The following C8A variants were observed in gnomAD, a reference collection of about 807,000 sequenced individuals.
C8A encodes complement C8 alpha chain.
C8A carries 67 observed loss-of-function variants against 65.3 expected under a neutral mutation model. That is an observed-to-expected ratio of 1.03 (90% CI 0.84 to 1.26). The LOEUF is 1.26. Ranked by LOEUF, C8A falls within the 50% of genes most tolerant of loss-of-function variation. C8A has a pLI of 0.00. For synonymous variants in C8A, 290 were observed against 259.4 expected (o/e 1.12, Z -1.13); for missense variants, 781 against 723.9 (o/e 1.08, Z -0.90).
rs368296259 is a variant in C8A at position 56,917,525 on chromosome 1, A to G, written c.1604-40A>G. 6.4e-5 allele frequency: 103 copies of G among 1,612,124 alleles called. No individual in the cohort carries two copies. The African/African-American group carries it at 1.2e-3, about 18-fold the overall frequency. ...CCAGACAGGCCCTTCCTTCTTAGCCATATGCTAACCTTCTCCTCCCTGGGA... is the reference window on the plus strand; with the variant it reads ...CCAGACAGGCCCTTCCTTCTTAGCCGTATGCTAACCTTCTCCTCCCTGGGA... On this transcript the variant is annotated intron_variant, in intron 10 of 10. Transcript: ENST00000361249.
At chr1:56,869,273 G>A (rs1352438083) in intron 2 of C8A, among the ~76,000 whole-genome samples, 1 of 152,078 alleles carries the variant, frequency 6.6e-6, no homozygotes, top group Non-Finnish European at 1.5e-5. Flanking sequence ...TGTGATACTT[G>A]GTTTTTAATT....
Position 56,881,428 on chromosome 1 carries a change from T to A in C8A, c.465-17T>A. On this transcript the variant is annotated splice_polypyrimidine_tract_variant and intron_variant, in intron 4 of 10. Transcript: ENST00000361249. ...CAGCATCCACTAGCTATTTAGAAGC[T>A]GCTTTGTTCCATGTAGGTACAATAT... 1 of 1,613,298 alleles carries A rather than the reference T, an allele frequency of 6.2e-7. No individual in the cohort carries two copies. The highest frequency in any genetic ancestry group is 8.5e-7 in the Non-Finnish European group (1 of 1,179,364).
At chr1:56,867,519 A>G (rs1644102280) in intron 1 of C8A, 90 bp from the exon 2 acceptor site, 3 of 883,972 alleles carry the variant, frequency 3.4e-6, no homozygotes, top group Non-Finnish European at 5.7e-6. Flanking sequence ...CTTCCAAACC[A>G]TGTTTTACTG....
intron 2 of C8A, among the ~76,000 whole-genome samples, chr1:56,869,894 T>C (rs1318339921): frequency 6.6e-6 from 1 of 152,156 alleles, no homozygotes; most frequent in African/African-American, 2.4e-5. Context: ...ACCACTCAGT[T>C]AGTGAGGTGC....
At chr1:56,873,654 C>T (rs1270423020) in intron 2 of C8A, among the ~76,000 whole-genome samples, 1 of 152,186 alleles carries the variant, frequency 6.6e-6, no homozygotes, top group Non-Finnish European at 1.5e-5. Flanking sequence ...ACCCACTTCT[C>T]TTGCTGCTCA....
chr1:56,870,046 A>T (rs1158212638), intron 2 of C8A, among the ~76,000 whole-genome samples: 1 of 152,160 alleles, frequency 6.6e-6, no homozygotes, highest in Non-Finnish European at 1.5e-5. Context: ...GTGCTGAAGA[A>T]TCTTAGACTG....
intron 7 of C8A, among the ~76,000 whole-genome samples, chr1:56,892,550 A>T (rs1422317519): frequency 6.6e-6 from 1 of 151,878 alleles, no homozygotes; most frequent in Non-Finnish European, 1.5e-5. Context: ...TACATATCTC[A>T]TTAGTCACCT....
chr1:56,890,958 TTTTG>T (rs759657575), intron 7 of C8A, among the ~76,000 whole-genome samples: 75 of 152,322 alleles, frequency 4.9e-4, no homozygotes, highest in East Asian at 3.5e-3. Context: ...TTCCAATCAT[TTTTG>T]TTTATTACTG....
At chr1:56,906,556 C>T (rs534339091) in intron 7 of C8A, 111 bp from the exon 8 acceptor site, 859 of 1,252,658 alleles carry the variant, frequency 6.9e-4, no homozygotes, top group Middle Eastern at 5.7e-3. Flanking sequence ...TCAACCCAGG[C>T]CTTTTGGACT....
chr1:56,897,174 A>G (rs78925282), intron 7 of C8A, among the ~76,000 whole-genome samples: 6,740 of 152,198 alleles, frequency 0.044, 333 homozygotes, highest in South Asian at 0.13. Flanking sequence ...TAATTAAGGG[A>G]GTATTATTTT....
intron 6 of C8A, among the ~76,000 whole-genome samples, chr1:56,885,259 C>T (rs896970803): frequency 2.9e-5 from 4 of 139,664 alleles, no homozygotes; most frequent in South Asian, 2.2e-4. Flanking sequence ...TGTTCATATA[C>T]GTGTTTATAT....
At chr1:56,898,968 G>A (rs1293929000) in intron 7 of C8A, among the ~76,000 whole-genome samples, 2 of 152,120 alleles carry the variant, frequency 1.3e-5, no homozygotes, top group Non-Finnish European at 2.9e-5. Flanking sequence ...CAGCCCAGCA[G>A]GTCTTTTTAT....
chr1:56,896,754 A>G (rs1446928151), intron 7 of C8A, among the ~76,000 whole-genome samples: 3 of 152,236 alleles, frequency 2.0e-5, no homozygotes, highest in Non-Finnish European at 4.4e-5. Flanking sequence ...GCAGATGTCA[A>G]TAACAACTGT....
chr1:56,883,205 G>T lies in C8A; in HGVS notation c.655-276G>T, dbSNP rs1357144230. ...CCACGCTCAGAGCAATATAGCATTT[G>T]ATCAGAATCATCTGCATCTGTGTGT... On this transcript the variant is annotated intron_variant, in intron 5 of 10. Coordinates refer to ENST00000361249, the MANE Select transcript of C8A (RefSeq NM_000562.3). Among the ~76,000 whole-genome samples the T allele has an allele frequency of 3.4e-5, 5 of 148,644 alleles. No homozygotes were observed. The East Asian group carries it at 8.2e-4, about 24-fold the overall frequency.
At chr1:56,901,364 A>G (rs1454699452) in intron 7 of C8A, among the ~76,000 whole-genome samples, 1 of 152,156 alleles carries the variant, frequency 6.6e-6, no homozygotes, top group Admixed American at 6.6e-5. Flanking sequence ...ACAGACTTGC[A>G]GTGTTCTGGC....
At chr1:56,868,003 C>T (rs560836829) in intron 2 of C8A, among the ~76,000 whole-genome samples, 85 of 152,178 alleles carry the variant, frequency 5.6e-4, no homozygotes, top group Non-Finnish European at 1.1e-3. Context: ...CTATTGCCCA[C>T]TCATGAGGGT....
chr1:56,906,454 A>T (rs1297349952), intron 7 of C8A, among the ~76,000 whole-genome samples: 1 of 152,110 alleles, frequency 6.6e-6, no homozygotes, highest in Non-Finnish European at 1.5e-5. Flanking sequence ...ACCAACTAGT[A>T]TGTGCAACAC....
chr1:56,913,131 G>A (rs546067461), intron 10 of C8A, among the ~76,000 whole-genome samples: 34 of 152,118 alleles, frequency 2.2e-4, no homozygotes, highest in South Asian at 2.1e-3. Context: ...CTCTGTCTTC[G>A]TGTGGCATTC....
intron 7 of C8A, among the ~76,000 whole-genome samples, chr1:56,905,825 G>C (rs1392679176): frequency 6.6e-6 from 1 of 152,182 alleles, no homozygotes; most frequent in African/African-American, 2.4e-5. Context: ...TGTAGCATGG[G>C]CAATATTCCT....
Sources: allele counts gnomAD v4.1 joint callset (sites outside exome capture counted in the v4.1 genomes callset), GRCh38; gene constraint gnomAD v4.1.1; transcripts MANE v1.5; gene names NCBI Gene and HGNC (gene_info 2026-07-23, HGNC 2026-07-21).